The following CDON variants were observed in gnomAD, a reference collection of about 807,000 sequenced individuals.
CDON encodes cell adhesion associated, oncogene regulated, also known as cell adhesion molecule-related/down-regulated by oncogenes.
A neutral mutation model predicts 120.9 loss-of-function variants in CDON; 73 were observed. That is an observed-to-expected ratio of 0.60 (90% CI 0.50 to 0.73). The LOEUF (loss-of-function observed/expected upper bound fraction) is 0.73, where lower values mean the gene tolerates loss of function less well. CDON is among the 30% of genes least tolerant of loss of function. The probability of loss-of-function intolerance (pLI) is 0.00; values close to 1 mark genes in which losing one functional copy is unlikely to be tolerated. For missense variants in CDON, 1,470 were observed against 1,587.3 expected, an observed-to-expected ratio of 0.93 and a Z score of 1.26; for synonymous variants, 566 against 573.5, an observed-to-expected ratio of 0.99 and a Z score of 0.19.
chr11:125,972,026 G>C (rs914029030), intron 18 of CDON, among the ~76,000 whole-genome samples: 2 of 152,220 alleles, frequency 1.3e-5, no homozygotes, highest in Non-Finnish European at 2.9e-5. Context: ...AATGGCACAA[G>C]GATTTCTTGA....
At chr11:126,060,607 C>T (rs1320004280) in intron 1 of CDON, among the ~76,000 whole-genome samples, 3 of 151,680 alleles carry the variant, frequency 2.0e-5, no homozygotes, top group Non-Finnish European at 1.5e-5. Context: ...TACATTTCGA[C>T]AAAACCATAC....
rs766151087 is a variant in CDON, at chr11:126,010,414, T to C, written c.1479A>G (p.Glu493=). The C allele has an allele frequency of 1.2e-6, 2 of 1,614,034 alleles. No individual in the cohort carries two copies. The highest frequency in any genetic ancestry group is 4.5e-5 in the East Asian group (2 of 44,884). ...CTTCGCAGATGTATTTCCCCGCATG[T>C]TCCTGAGTCACAGCCTGAATATGGA... ...SSLHIQAVTQ[E]HAGKYICEAA... is the part of the protein sequence containing the mutation. Residue 493 remains glutamate (E), a synonymous_variant, in exon 8 of 20, where the codon GAA becomes GAG. Transcript: ENST00000531738.
At chr11:125,987,648 C>T (rs551070090) in intron 15 of CDON, among the ~76,000 whole-genome samples, 1 of 152,272 alleles carries the variant, frequency 6.6e-6, no homozygotes, top group South Asian at 2.1e-4. Context: ...CACAGCTATA[C>T]TATTATACTA....
At position 125,984,064 on chromosome 11, in the gene CDON, G is replaced by A. The variant is rs771502239; in HGVS notation, c.2803C>T (p.Pro935Ser). 2 of 1,613,542 alleles carry A rather than the reference G, an allele frequency of 1.2e-6. No individual in the cohort carries two copies. Among genetic ancestry groups the A allele is most frequent in the Non-Finnish European group, 1.7e-6 (2 of 1,179,492 alleles). ...VKRVPGASEY[P>S]VKDLSTPPNS... ...GGAGGGGTACTCAAGTCTTTGACAG[G>A]ATATTCAGAAGCTCCAGGAACACGT... The change falls in exon 16 of 20, where the codon CCT becomes TCT. Residue 935 changes from proline to serine, a missense_variant. Transcript: ENST00000531738.
Position 126,015,477 on chromosome 11 carries a change from T to A in CDON, c.962A>T (p.Gln321Leu). 1.2e-6 allele frequency: 2 copies of A among 1,614,092 alleles called. No homozygotes were observed. Among genetic ancestry groups the A allele is most frequent in the Non-Finnish European group, 1.7e-6 (2 of 1,179,954 alleles). Residue 321 changes from glutamine to leucine, a missense_variant, in exon 7 of 20, where the codon CAG becomes CTG. By Grantham distance (113) the Gln-to-Leu change is moderately radical. Coordinates refer to ENST00000531738, the MANE Select transcript of CDON (RefSeq NM_001378964.1). ...HASISKGLQDQIVSLGATVHF... is the reference protein window; with the variant it reads ...HASISKGLQDLIVSLGATVHF... Reference sequence around the variant, plus strand: ...TACTGTGGCACCCAGAGACACTATCTGATCCTGTAGTCCTTTAGAAATGGA... The same window carrying A: ...TACTGTGGCACCCAGAGACACTATCAGATCCTGTAGTCCTTTAGAAATGGA...
At chr11:126,006,624 G>C (rs190419704) in intron 8 of CDON, among the ~76,000 whole-genome samples, 1 of 152,102 alleles carries the variant, frequency 6.6e-6, no homozygotes, top group African/African-American at 2.4e-5. Context: ...AGCCATGATC[G>C]TGCCACTGCA....
Position 126,023,397 on chromosome 11 carries a change from T to A in CDON, c.76+4A>T. ...AACCACCCCCTCCCCAATTCTACTC[T>A]TACCTGAACTCACAGAAGAGCACAG... On this transcript the variant is annotated splice_donor_region_variant and intron_variant, in intron 2 of 19. Transcript: ENST00000531738. The A allele has an allele frequency of 6.3e-7, 1 of 1,596,560 alleles. No homozygotes were observed. The highest frequency in any genetic ancestry group is 8.6e-7 in the Non-Finnish European group (1 of 1,164,146).
Position 125,956,949 on chromosome 11 carries a change from C to G in CDON, c.*3993G>C. The G allele has an allele frequency of 1.3e-6, 1 of 770,394 alleles. No homozygotes were observed. Among genetic ancestry groups the G allele is most frequent in the African/African-American group, 1.9e-5 (1 of 53,100 alleles). The allele number at this position is 770,394 out of a possible 1,614,324, so 47.7% of individuals were successfully genotyped here. Reference sequence around the variant, plus strand: ...GAAATAAAATACAAAAGGGCCACACCCGATGCAAAAGACTTTGCTGGCTTT... The same window carrying G: ...GAAATAAAATACAAAAGGGCCACACGCGATGCAAAAGACTTTGCTGGCTTT... On this transcript the variant is annotated 3_prime_UTR_variant, in exon 20 of 20. Coordinates refer to ENST00000531738, the MANE Select transcript of CDON (RefSeq NM_001378964.1).
At chr11:125,978,239 G>T in intron 18 of CDON, 65 bp downstream of exon 18, 5 of 877,830 alleles carry the variant, frequency 5.7e-6, no homozygotes, top group Non-Finnish European at 9.5e-6. Flanking sequence ...CTTTGCTGAA[G>T]GGAAAAATAA....
At chr11:125,991,002 C>T (rs1364457061) in intron 14 of CDON, among the ~76,000 whole-genome samples, 1 of 152,098 alleles carries the variant, frequency 6.6e-6, no homozygotes, top group African/African-American at 2.4e-5. Flanking sequence ...CAAAAAACTT[C>T]TTTTTTTGTA....
intron 10 of CDON, among the ~76,000 whole-genome samples, chr11:126,002,884 C>T (rs532750456): frequency 2.0e-4 from 30 of 152,312 alleles, no homozygotes; most frequent in Non-Finnish European, 3.8e-4. Context: ...GCTCCCATCA[C>T]AGCAGCCCCA....
At chr11:126,022,265 C>T (rs1362226102) in intron 2 of CDON, among the ~76,000 whole-genome samples, 1 of 152,068 alleles carries the variant, frequency 6.6e-6, no homozygotes, top group African/African-American at 2.4e-5. Context: ...TTTACGAGAG[C>T]AAGTTTTTCT....
intron 1 of CDON, among the ~76,000 whole-genome samples, chr11:126,059,862 A>G (rs181571549): frequency 5.3e-4 from 81 of 152,192 alleles, no homozygotes; most frequent in African/African-American, 1.5e-3. Flanking sequence ...GACAGATGAC[A>G]ATGATACTGT....
At chr11:125,989,849 G>A in intron 14 of CDON, 90 bp from the exon 15 acceptor site, 1 of 1,244,782 alleles carries the variant, frequency 8.0e-7, no homozygotes, top group Non-Finnish European at 1.1e-6. Flanking sequence ...TGAGGCTGGA[G>A]CAGCATCCAC....
At chr11:125,985,768 A>G (rs1946442243) in intron 15 of CDON, among the ~76,000 whole-genome samples, 3 of 152,116 alleles carry the variant, frequency 2.0e-5, no homozygotes, top group Non-Finnish European at 4.4e-5. Flanking sequence ...ACAATGAGAT[A>G]CCATCTCACA....
intron 1 of CDON, among the ~76,000 whole-genome samples, chr11:126,048,375 T>A (rs1342962785): frequency 2.6e-5 from 4 of 152,048 alleles, no homozygotes; most frequent in Non-Finnish European, 5.9e-5. Context: ...ACTTGGCACA[T>A]TCCCATCACA....
chr11:125,986,691 G>A (rs1227539431), intron 15 of CDON, among the ~76,000 whole-genome samples: 1 of 151,932 alleles, frequency 6.6e-6, no homozygotes, highest in Non-Finnish European at 1.5e-5. Flanking sequence ...CTTGAACCTG[G>A]GAGGCAGAGA....
intron 1 of CDON, among the ~76,000 whole-genome samples, chr11:126,050,605 T>C (rs1413362520): frequency 1.3e-5 from 2 of 151,536 alleles, no homozygotes; most frequent in Non-Finnish European, 2.9e-5. Flanking sequence ...ATGATCATTA[T>C]CAGAAACAGG....
At chr11:126,038,490 A>C (rs531719542) in intron 1 of CDON, among the ~76,000 whole-genome samples, 3 of 152,132 alleles carry the variant, frequency 2.0e-5, no homozygotes, top group African/African-American at 7.2e-5. Flanking sequence ...TGTCTCTACT[A>C]AAAATACAAA....
Sources: gnomAD v4.1 joint callset for allele counts (sites outside exome capture counted in the v4.1 genomes callset) on GRCh38, gnomAD v4.1.1 for gene constraint, MANE v1.5 for transcripts, NCBI Gene and HGNC (gene_info 2026-07-23, HGNC 2026-07-21) for gene names.